Variants in PALLD observed in about 807,000 individuals in gnomAD.
PALLD encodes the protein palladin, cytoskeletal associated protein.
PALLD carries 61 observed loss-of-function variants against 123.5 expected under a neutral mutation model. The observed-to-expected ratio is 0.49, with a 90% CI of 0.40 to 0.61. The LOEUF is 0.61. PALLD is among the 20% of genes least tolerant of loss of function. The pLI is 0.00. For missense variants in PALLD, 1,273 were observed against 1,377.0 expected, an observed-to-expected ratio of 0.92 and a Z score of 1.20; for synonymous variants, 465 against 496.4, an observed-to-expected ratio of 0.94 and a Z score of 0.84.
At chr4:168,911,831 CAG>C (rs1759025919) in intron 15 of PALLD, among the ~76,000 whole-genome samples, 1 of 152,166 alleles carries the variant, frequency 6.6e-6, no homozygotes, top group Non-Finnish European at 1.5e-5. Flanking sequence ...TCAGGAAACA[CAG>C]TGTTTTAACT....
At chr4:168,659,677 T>C (rs1778942301) in intron 2 of PALLD, among the ~76,000 whole-genome samples, 2 of 152,368 alleles carry the variant, frequency 1.3e-5, no homozygotes, top group Non-Finnish European at 2.9e-5. Flanking sequence ...ACATTTACCA[T>C]TTTGCTTAGC....
intron 2 of PALLD, among the ~76,000 whole-genome samples, chr4:168,663,702 C>T (rs1779345123): frequency 6.6e-6 from 1 of 152,196 alleles, no homozygotes; most frequent in Admixed American, 6.5e-5. Flanking sequence ...ATGTTTCTCT[C>T]TGTACTCAAA....
intron 2 of PALLD, among the ~76,000 whole-genome samples, chr4:168,548,756 T>C (rs1580256640): frequency 6.6e-6 from 1 of 152,244 alleles, no homozygotes; most frequent in Admixed American, 6.5e-5. Context: ...CTATCTTACA[T>C]GTTTCCTTTG....
chr4:168,554,802 C>T (rs533370954), intron 2 of PALLD, among the ~76,000 whole-genome samples: 14 of 152,140 alleles, frequency 9.2e-5, no homozygotes, highest in Non-Finnish European at 1.6e-4. Flanking sequence ...AAATAATCAG[C>T]TTTCAGGTTA....
chr4:168,499,351 A>G (rs912244543), intron 1 of PALLD, among the ~76,000 whole-genome samples: 2 of 22,498 alleles, frequency 8.9e-5, no homozygotes, highest in African/African-American at 2.3e-4. Flanking sequence ...GGCAGAAGGG[A>G]GGGAGGGGGG....
chr4:168,683,045 C>A lies in PALLD; in HGVS notation c.1202C>A (p.Ser401Tyr). ...GTTTCCTTGACAATAGGATCATCAT[C>A]TCCAAAGACAGGGGTGACCACAGCT... ...TSVSLTIGSS[S>Y]PKTGVTTAVI... Residue 401 changes from serine (S) to tyrosine (Y), a missense_variant, in exon 5 of 22, where the codon TCT becomes TAT. Physicochemically the swap from Ser to Tyr is moderately radical, Grantham distance 144 (BLOSUM62 -2). Around this residue, in one of 2 missense-constraint regions of PALLD, gnomAD observed 944 missense variants for 954.5 expected, o/e 0.99. Coordinates refer to ENST00000505667, the MANE Select transcript of PALLD (RefSeq NM_001166108.2). The A allele has an allele frequency of 6.2e-7, 1 of 1,613,186 alleles. No individual in the cohort carries two copies. The highest frequency in any genetic ancestry group is 8.5e-7 in the Non-Finnish European group (1 of 1,179,192).
intron 10 of PALLD, among the ~76,000 whole-genome samples, chr4:168,843,037 G>A (rs2150934820): frequency 6.6e-6 from 1 of 152,282 alleles, no homozygotes; most frequent in South Asian, 2.1e-4. Context: ...CGAAGGCCAG[G>A]GAAATACATA....
intron 8 of PALLD, among the ~76,000 whole-genome samples, chr4:168,695,465 C>T (rs888498619): frequency 6.6e-6 from 1 of 152,230 alleles, no homozygotes; most frequent in African/African-American, 2.4e-5. Context: ...TATGCAAACA[C>T]ATTCAAACTT....
chr4:168,706,880 G>C (rs769444487), intron 8 of PALLD, among the ~76,000 whole-genome samples: 2 of 152,050 alleles, frequency 1.3e-5, no homozygotes, highest in Non-Finnish European at 2.9e-5. Flanking sequence ...AACAAACTCT[G>C]CATTTGCCTT....
chr4:168,763,233 T>A (rs1045061449), intron 10 of PALLD, among the ~76,000 whole-genome samples: 1 of 152,218 alleles, frequency 6.6e-6, no homozygotes, highest in Non-Finnish European at 1.5e-5. Context: ...TGAAATCAGT[T>A]ACAACACTGT....
chr4:168,552,569 T>A (rs1214449350), intron 2 of PALLD, among the ~76,000 whole-genome samples: 1 of 152,222 alleles, frequency 6.6e-6, no homozygotes, highest in South Asian at 2.1e-4. Flanking sequence ...TAACCCCCTA[T>A]ACAGGAAGAA....
intron 2 of PALLD, among the ~76,000 whole-genome samples, chr4:168,582,611 C>A (rs892695017): frequency 1.3e-5 from 2 of 152,082 alleles, no homozygotes; most frequent in East Asian, 3.8e-4. Context: ...TCTTTGATAC[C>A]TATCTCGTTG....
intron 1 of PALLD, among the ~76,000 whole-genome samples, chr4:168,497,744 A>C (rs1263850855): frequency 6.6e-6 from 1 of 152,240 alleles, no homozygotes; most frequent in Non-Finnish European, 1.5e-5. Context: ...TCATGCATAA[A>C]ATTTACATAC....
At chr4:168,787,927 G>A (rs1008880684) in intron 10 of PALLD, among the ~76,000 whole-genome samples, 4 of 152,188 alleles carry the variant, frequency 2.6e-5, no homozygotes, top group African/African-American at 9.7e-5. Flanking sequence ...ATTTGAAATG[G>A]TTGTAAATGA....
chr4:168,887,097 A>G (rs981434759), intron 10 of PALLD, among the ~76,000 whole-genome samples: 14 of 144,732 alleles, frequency 9.7e-5, no homozygotes, highest in Non-Finnish European at 2.1e-4. Context: ...AGCCTAGGCA[A>G]CAGAGTGAGA....
intron 2 of PALLD, chr4:168,631,753 G>A: frequency 2.0e-6 from 2 of 985,440 alleles, no homozygotes; most frequent in Non-Finnish European, 2.4e-6. Flanking sequence ...TTGGCAGCGC[G>A]GCTGCCAGTT....
intron 10 of PALLD, among the ~76,000 whole-genome samples, chr4:168,834,194 G>A (rs1744774034): frequency 6.6e-6 from 1 of 151,972 alleles, no homozygotes; most frequent in South Asian, 2.1e-4. Flanking sequence ...CATGGGGGAT[G>A]GTTGGAAATA....
intron 10 of PALLD, among the ~76,000 whole-genome samples, chr4:168,803,138 T>G (rs1211369421): frequency 6.6e-6 from 1 of 152,166 alleles, no homozygotes; most frequent in Non-Finnish European, 1.5e-5. Flanking sequence ...ACTGGGTAAT[T>G]TATGAAGAAG....
intron 2 of PALLD, among the ~76,000 whole-genome samples, chr4:168,539,983 A>G (rs1405202499): frequency 6.6e-6 from 1 of 151,524 alleles, no homozygotes; most frequent in Non-Finnish European, 1.5e-5. Context: ...CCCTTCTAGT[A>G]ATCCCCAATG....
Sources: allele counts gnomAD v4.1 joint callset (sites outside exome capture counted in the v4.1 genomes callset), GRCh38; gene constraint gnomAD v4.1.1; regional missense constraint gnomAD v4.1.1; transcripts MANE v1.5; gene names NCBI Gene and HGNC (gene_info 2026-07-23, HGNC 2026-07-21).